Variants in LARGE1 observed in about 807,000 individuals in gnomAD.
LARGE1 encodes the protein xylosyl- and glucuronyltransferase LARGE1.
A neutral mutation model predicts 87.6 loss-of-function variants in LARGE1; 43 were observed. That is an observed-to-expected ratio of 0.49 (90% CI 0.38 to 0.63). The LOEUF is 0.63. Among genes scored for constraint, LARGE1 ranks in the 30% least tolerant of loss-of-function variants. The pLI, the probability that LARGE1 is intolerant of heterozygous loss-of-function variation, is 0.00. For synonymous variants in LARGE1, 434 were observed against 394.6 expected, an observed-to-expected ratio of 1.10 and a Z score of -1.18; for missense variants, 802 against 1,000.2, an observed-to-expected ratio of 0.80 and a Z score of 2.67.
At chr22:33,644,441 C>G (rs975748539) in intron 3 of LARGE1, among the ~76,000 whole-genome samples, 3 of 152,090 alleles carry the variant, frequency 2.0e-5, no homozygotes, top group Non-Finnish European at 4.4e-5. Context: ...TATGACAAAC[C>G]CACAGCCAAT....
intron 10 of LARGE1, among the ~76,000 whole-genome samples, chr22:33,326,826 C>A (rs771988877): frequency 5.3e-5 from 8 of 152,174 alleles, no homozygotes; most frequent in African/African-American, 1.7e-4. Flanking sequence ...TAAGTTGCAG[C>A]TGAACAGGAT....
chr22:33,626,401 G>C (rs2079924157), intron 3 of LARGE1, 75 bp from the exon 4 acceptor site: 16 of 1,178,254 alleles, frequency 1.4e-5, no homozygotes, highest in Non-Finnish European at 1.9e-5. Context: ...GATCACACTA[G>C]AAAGAAAAAT....
downstream of LARGE1, among the ~76,000 whole-genome samples, chr22:33,159,972 A>G (rs369669181): frequency 1.7e-4 from 26 of 152,172 alleles, no homozygotes; most frequent in African/African-American, 6.0e-4. Flanking sequence ...AAGAGAAACA[A>G]AATAACTTAT....
chr22:33,092,125 C>G, the LARGE1 span, among the ~76,000 whole-genome samples: 2 of 152,126 alleles, frequency 1.3e-5, no homozygotes, highest in Non-Finnish European at 2.9e-5. Flanking sequence ...GTCTCAAACT[C>G]CTGACCTCAT....
chr22:33,864,981 G>A lies in LARGE1; in HGVS notation c.-83+55014C>T, dbSNP rs574898216. Among the ~76,000 whole-genome samples, 4 of 152,292 alleles carry A rather than the reference G, an allele frequency of 2.6e-5. No individual in the cohort carries two copies. In the East Asian group the frequency reaches 7.7e-4, roughly 29 times the overall value. On this transcript the variant is annotated intron_variant, in intron 1 of 14. Coordinates refer to ENST00000397394, the MANE Select transcript of LARGE1 (RefSeq NM_133642.5). ...GACCTGGATCCCTGGCCCACCCACA[G>A]GTTGGTTCGCAGTTTCTGAAAGAGT...
chr22:33,738,571 A>G (rs553316262), intron 2 of LARGE1, among the ~76,000 whole-genome samples: 1 of 152,302 alleles, frequency 6.6e-6, no homozygotes, highest in East Asian at 1.9e-4. Context: ...GTAAGAGACC[A>G]TGCCAGGGCC....
intron 12 of LARGE1, among the ~76,000 whole-genome samples, chr22:33,294,464 G>A (rs1035928843): frequency 3.9e-5 from 6 of 152,232 alleles, no homozygotes; most frequent in African/African-American, 1.4e-4. Flanking sequence ...AAGGGGACAG[G>A]AGGAGATAAA....
At chr22:33,304,762 C>G (rs1043095805) in intron 11 of LARGE1, among the ~76,000 whole-genome samples, 1 of 152,176 alleles carries the variant, frequency 6.6e-6, no homozygotes. Flanking sequence ...GCCTTGGACT[C>G]CTCGTTTCAA....
intron 1 of LARGE1, among the ~76,000 whole-genome samples, chr22:33,811,670 T>A (rs192089096): frequency 1.3e-3 from 195 of 152,306 alleles, no homozygotes; most frequent in Non-Finnish European, 2.2e-3. Flanking sequence ...AGAGCCCAAC[T>A]GGGAACAGCT....
chr22:33,886,670 A>G (rs2064856241), intron 1 of LARGE1, among the ~76,000 whole-genome samples: 3 of 144,506 alleles, frequency 2.1e-5, no homozygotes, highest in Admixed American at 1.4e-4. Flanking sequence ...AAAAAAAAAA[A>G]AAAAGAAAAA....
the LARGE1 span, among the ~76,000 whole-genome samples, chr22:33,140,609 T>C: frequency 1.3e-5 from 2 of 152,210 alleles, no homozygotes; most frequent in Non-Finnish European, 2.9e-5. Flanking sequence ...CTGAGTCTTC[T>C]GGCTTTCATC....
intron 11 of LARGE1, among the ~76,000 whole-genome samples, chr22:33,188,079 T>C (rs1450124757): frequency 6.6e-6 from 1 of 151,870 alleles, no homozygotes; most frequent in Non-Finnish European, 1.5e-5. Flanking sequence ...AAACATCATA[T>C]TGTATATAAT....
At chr22:33,712,119 A>T (rs867253644) in intron 2 of LARGE1, among the ~76,000 whole-genome samples, 1 of 152,172 alleles carries the variant, frequency 6.6e-6, no homozygotes, top group Non-Finnish European at 1.5e-5. Flanking sequence ...CAACAAGTAG[A>T]GCTAATGCCA....
the LARGE1 span, among the ~76,000 whole-genome samples, chr22:33,101,892 G>T: frequency 6.6e-6 from 1 of 152,166 alleles, no homozygotes; most frequent in African/African-American, 2.4e-5. Context: ...TCCTTTCAAA[G>T]CATGTCCCAA....
At position 33,164,511 on chromosome 22, in the gene LARGE1, T is replaced by A. The variant is rs5998767; in HGVS notation, c.*2252A>T. The A allele has an allele frequency of 4.1e-5, 6 of 144,616 alleles. No individual in the cohort carries two copies. In the East Asian group the frequency reaches 6.1e-4, roughly 15 times the overall value. The allele number at this position is 144,616 out of a possible 1,614,324, so 9.0% of individuals were successfully genotyped here. A position where few individuals can be genotyped will look rare whatever the true frequency, so the allele number is the denominator to read the frequency against. ...AACGTAAGATTTTGTTTTTTTTTTT[T>A]ATTTTTATGTATATTTTTATTTTTG... On this transcript the variant is annotated 3_prime_UTR_variant, in exon 12 of 12. Transcript: ENST00000608642.
intron 5 of LARGE1, among the ~76,000 whole-genome samples, chr22:33,578,452 A>T (rs1403910113): frequency 1.3e-5 from 2 of 152,188 alleles, no homozygotes; most frequent in African/African-American, 4.8e-5. Flanking sequence ...AAGAGGAGTA[A>T]ATGAAAAATG....
chr22:33,832,759 C>A (rs924560345), intron 1 of LARGE1, among the ~76,000 whole-genome samples: 2 of 152,248 alleles, frequency 1.3e-5, no homozygotes, highest in Admixed American at 6.5e-5. Context: ...GAGCACAGAG[C>A]CTGACACTGA....
Position 33,307,796 on chromosome 22 carries a change from G to C in LARGE1, c.1452-3289C>G, listed in dbSNP as rs151060020. On this transcript the variant is annotated intron_variant, in intron 11 of 14. Coordinates refer to ENST00000397394, the MANE Select transcript of LARGE1 (RefSeq NM_133642.5). ...TTTTCTTTTTTTTTTTTGAGACAGA[G>C]TCTCACTCTGTTGCCCAGGCTGGAG... Among the ~76,000 whole-genome samples, 250 of 151,454 alleles carry C rather than the reference G, an allele frequency of 1.7e-3. 1 individual carries two copies. The highest frequency in any genetic ancestry group is 6.8e-3 in the East Asian group (35 of 5,138).
intron 7 of LARGE1, among the ~76,000 whole-genome samples, chr22:33,391,764 CCTTTTT>C (rs1247858235): frequency 0.012 from 1,647 of 141,840 alleles, 57 homozygotes; most frequent in African/African-American, 0.041. Flanking sequence ...TTTCCTTTTT[CCTTTTT>C]TTTTTTTTTT....
Sources: allele counts gnomAD v4.1 joint callset (sites outside exome capture counted in the v4.1 genomes callset), GRCh38; gene constraint gnomAD v4.1.1; transcripts MANE v1.5; gene names NCBI Gene and HGNC (gene_info 2026-07-23, HGNC 2026-07-21).